DDX46: variants seen among roughly 807,000 people sequenced by gnomAD.
DDX46 encodes DEAD-box helicase 46.
DDX46 carries 30 observed loss-of-function variants against 134.9 expected under a neutral mutation model. The observed-to-expected ratio is 0.22, with a 90% confidence interval of 0.17 to 0.30. The LOEUF (loss-of-function observed/expected upper bound fraction) is 0.30. Among genes scored for constraint, DDX46 ranks in the 10% least tolerant of loss-of-function variants. DDX46 has a pLI of 1.00. For synonymous variants in DDX46, 415 were observed against 404.1 expected (o/e 1.03, Z -0.32); for missense variants, 622 against 1,248.7 (o/e 0.50, Z 7.56).
intron 15 of DDX46, chr5:134,797,268 A>G: frequency 4.6e-6 from 1 of 219,396 alleles, no homozygotes. Flanking sequence ...TCAGTAGCTT[A>G]GTAATGAATC....
At chr5:134,819,253 C>G (rs889980763) in intron 21 of DDX46, among the ~76,000 whole-genome samples, 1 of 152,178 alleles carries the variant, frequency 6.6e-6, no homozygotes, top group Non-Finnish European at 1.5e-5. Context: ...AGAAAACTTA[C>G]ATTTTAAGGA....
In DDX46 at chr5:134,828,864, G is replaced by A. The variant is rs1371394118; in HGVS notation, c.*158G>A. The A allele has an allele frequency of 9.2e-6, 4 of 435,414 alleles. No homozygotes were observed. Among genetic ancestry groups the A allele is most frequent in the African/African-American group, 4.1e-5 (2 of 49,138 alleles). The allele number at this position is 435,414 out of a possible 1,614,324, so 27.0% of individuals were successfully genotyped here. A position where few individuals can be genotyped will look rare whatever the true frequency, so the allele number is the denominator to read the frequency against. ...TGGTACTTGGTAAAGAAATCTGTCCGTAAGTACCCCCACAATCAGTCAAAC... is the reference window on the plus strand; with the variant it reads ...TGGTACTTGGTAAAGAAATCTGTCCATAAGTACCCCCACAATCAGTCAAAC... On this transcript the variant is annotated 3_prime_UTR_variant, in exon 23 of 23. Coordinates refer to ENST00000452510, the MANE Select transcript of DDX46 (RefSeq NM_001300860.2).
rs1462132918 is a variant in DDX46, at chr5:134,817,410, A to T, written c.2614-86A>T. 4 of 1,318,094 alleles carry T rather than the reference A, an allele frequency of 3.0e-6. No individual in the cohort carries two copies. In the East Asian group the frequency reaches 7.3e-5, roughly 24 times the overall value. 81.6% of individuals were successfully genotyped at this position (1,318,094 alleles called of 1,614,324 possible). ...TATTAAACTTGCATACAAAGTTAGT[A>T]GCTTTTCAGAGAATAATTTGTGGTG... On this transcript the variant is annotated intron_variant, in intron 19 of 22. Coordinates refer to ENST00000452510, the MANE Select transcript of DDX46 (RefSeq NM_001300860.2).
intron 15 of DDX46, among the ~76,000 whole-genome samples, chr5:134,799,442 T>TAAA (rs1248304595): frequency 7.2e-6 from 1 of 138,322 alleles, no homozygotes; most frequent in Non-Finnish European, 1.6e-5. Context: ...TGTGAATATT[T>TAAA]AAAAAAAAAA....
chr5:134,778,020 CTTTTTTT>C (rs558645191), intron 6 of DDX46: 1 of 150,476 alleles, frequency 6.6e-6, no homozygotes, highest in South Asian at 1.8e-4. Context: ...CTTTGATACT[CTTTTTTT>C]TTTTTTTTTT....
At chr5:134,798,572 A>G (rs1754737197) in intron 15 of DDX46, among the ~76,000 whole-genome samples, 2 of 152,218 alleles carry the variant, frequency 1.3e-5, no homozygotes, top group Non-Finnish European at 2.9e-5. Context: ...AACCTTCACT[A>G]CTGTCTATTT....
chr5:134,797,245 A>T (rs1754694091), intron 15 of DDX46: 1 of 240,992 alleles, frequency 4.1e-6, no homozygotes. Context: ...TCATTAACTA[A>T]GTGTTCTGGC....
intron 18 of DDX46, among the ~76,000 whole-genome samples, chr5:134,814,926 C>T (rs574003373): frequency 6.6e-6 from 1 of 150,846 alleles, no homozygotes; most frequent in South Asian, 2.2e-4. Context: ...ATAACTAAAA[C>T]CCTTTAATAG....
chr5:134,828,607 G>GT (rs1166198135), intron 22 of DDX46, 52 bp from the exon 23 acceptor site: 28 of 912,584 alleles, frequency 3.1e-5, no homozygotes, highest in Admixed American at 1.2e-4. Context: ...TTTTTTTTTT[G>GT]TTTTTTTTGT....
Position 134,814,181 on chromosome 5 carries a change from T to A in DDX46, c.2437-2249T>A, listed in dbSNP as rs570444561. ...ATTTTATTGTTGTTAATCTCTTAAC[T>A]GTACCTAATTTATAAATTAAACTTT... On this transcript the variant is annotated intron_variant, in intron 18 of 22. Coordinates refer to ENST00000452510, the MANE Select transcript of DDX46 (RefSeq NM_001300860.2). 2.6e-5 allele frequency among the ~76,000 whole-genome samples: 4 copies of A among 152,324 alleles called. No individual in the cohort carries two copies. In the East Asian group the frequency reaches 7.7e-4, roughly 29 times the overall value.
chr5:134,776,755 A>C (rs916168701), intron 5 of DDX46, among the ~76,000 whole-genome samples: 1 of 151,822 alleles, frequency 6.6e-6, no homozygotes, highest in Admixed American at 6.6e-5. Context: ...TCTCTACTAA[A>C]TACAAAAATT....
chr5:134,799,449 A>AT (rs972420386), intron 15 of DDX46, among the ~76,000 whole-genome samples: 2 of 151,960 alleles, frequency 1.3e-5, no homozygotes, highest in Admixed American at 1.3e-4. Flanking sequence ...ATTTAAAAAA[A>AT]AAAAAAAGCT....
intron 7 of DDX46, 36 bp downstream of exon 7, chr5:134,781,282 T>C (rs1754145443): frequency 6.7e-7 from 1 of 1,481,796 alleles, no homozygotes; most frequent in East Asian, 2.3e-5. Context: ...TTTATGATAC[T>C]ATCCTGGAAG....
chr5:134,764,567 G>A (rs570261467), intron 2 of DDX46, among the ~76,000 whole-genome samples: 19 of 152,216 alleles, frequency 1.2e-4, no homozygotes, highest in Middle Eastern at 6.8e-3. Flanking sequence ...ACATGTGTGA[G>A]CCACCGTGTC....
chr5:134,828,819 T>G lies in DDX46; in HGVS notation c.*113T>G. The G allele has an allele frequency of 1.3e-6, 1 of 748,434 alleles. No individual in the cohort carries two copies. The highest frequency in any genetic ancestry group is 3.2e-5 in the East Asian group (1 of 31,388). The allele number at this position is 748,434 out of a possible 1,614,324, so 46.4% of individuals were successfully genotyped here. On this transcript the variant is annotated 3_prime_UTR_variant, in exon 23 of 23. Transcript: ENST00000452510. ...ATTTTTTAAATTCTATCTTGCTGATTTTTTTTAAATATAAGAAACTGGTAC... is the reference window on the plus strand; with the variant it reads ...ATTTTTTAAATTCTATCTTGCTGATGTTTTTTAAATATAAGAAACTGGTAC...
At chr5:134,794,000 G>A (rs1754580466) in intron 13 of DDX46, among the ~76,000 whole-genome samples, 1 of 152,118 alleles carries the variant, frequency 6.6e-6, no homozygotes. Flanking sequence ...TTAAGGCAGA[G>A]GGAAGGGGCA....
At chr5:134,799,284 A>T (rs552365563) in intron 15 of DDX46, among the ~76,000 whole-genome samples, 1 of 150,636 alleles carries the variant, frequency 6.6e-6, no homozygotes, top group Non-Finnish European at 1.5e-5. Context: ...GTCAATGTGC[A>T]TATCATTAAC....
intron 6 of DDX46, chr5:134,780,808 TCAC>T (rs1182317274): frequency 1.3e-5 from 2 of 156,814 alleles, no homozygotes; most frequent in African/African-American, 4.8e-5. Flanking sequence ...GGCTGGTGGA[TCAC>T]TGGAGCCAAG....
intron 15 of DDX46, among the ~76,000 whole-genome samples, chr5:134,807,264 C>A (rs1755019603): frequency 6.6e-6 from 1 of 150,952 alleles, no homozygotes; most frequent in Non-Finnish European, 1.5e-5. Context: ...TCATGATCTG[C>A]CCGCCTCGGC....
Sources: allele counts gnomAD v4.1 joint callset (sites outside exome capture counted in the v4.1 genomes callset), GRCh38; gene constraint gnomAD v4.1.1; transcripts MANE v1.5; gene names NCBI Gene and HGNC (gene_info 2026-07-23, HGNC 2026-07-21).